Variants in ZNF718 observed in about 807,000 individuals in gnomAD.
ZNF718 encodes zinc finger protein 718.
A neutral mutation model predicts 2.6 loss-of-function variants in ZNF718; 3 were observed. That is an observed-to-expected ratio of 1.16 (90% CI 0.53 to 3.01). ZNF718 has a LOEUF of 3.01. ZNF718 is among the 30% of genes most tolerant of loss of function. ZNF718 has a pLI of 0.03. For synonymous variants in ZNF718, 135 were observed against 77.9 expected (o/e 1.73, Z -3.86); for missense variants, 468 against 230.0 (o/e 2.03, Z -6.69).
chr4:153,465 T>C (rs1716426176), intron 3 of ZNF718, among the ~76,000 whole-genome samples: 1 of 152,188 alleles, frequency 6.6e-6, no homozygotes, highest in Non-Finnish European at 1.5e-5. Context: ...TCATTGATAT[T>C]ATGATAGAGA....
At chr4:166,528 T>A (rs1366807220), downstream of ZNF718, among the ~76,000 whole-genome samples, 8 of 152,232 alleles carry the variant, frequency 5.3e-5, no homozygotes, top group African/African-American at 7.2e-5. Flanking sequence ...TCTGACTTTT[T>A]AATGATCGCC....
At chr4:151,369 G>A (rs892523968) in intron 3 of ZNF718, among the ~76,000 whole-genome samples, 5 of 152,146 alleles carry the variant, frequency 3.3e-5, no homozygotes, top group Admixed American at 3.3e-4. Context: ...GCCTCCCAAA[G>A]TGCTAGGATT....
At chr4:125,893 C>T (rs559351212) in intron 1 of ZNF718, among the ~76,000 whole-genome samples, 7 of 152,352 alleles carry the variant, frequency 4.6e-5, no homozygotes, top group African/African-American at 1.7e-4. Flanking sequence ...GCCCAGAAGA[C>T]TCCTGGCTCA....
At chr4:136,418 C>G in intron 3 of ZNF718, 1 of 520,918 alleles carries the variant, frequency 1.9e-6, no homozygotes, top group Admixed American at 1.9e-5. Flanking sequence ...ATAGGAAGGA[C>G]CACTTGTGTA....
intron 3 of ZNF718, among the ~76,000 whole-genome samples, chr4:142,855 A>G (rs782276224): frequency 6.6e-6 from 1 of 152,180 alleles, no homozygotes; most frequent in Admixed American, 6.5e-5. Flanking sequence ...TCTTTGATCT[A>G]TTTAATTTTA....
chr4:157,276 C>G (rs1716617497), intron 3 of ZNF718, among the ~76,000 whole-genome samples: 1 of 151,858 alleles, frequency 6.6e-6, no homozygotes, highest in Non-Finnish European at 1.5e-5. Flanking sequence ...CCATGCCCAG[C>G]TAATTTTGTA....
rs182024060 is a variant in ZNF718 at position 187,250 on chromosome 4, G to A, written c.227-13831G>A. Among the ~76,000 whole-genome samples the A allele has an allele frequency of 2.4e-3, 370 of 151,744 alleles. 1 individual carries two copies. The highest frequency in any genetic ancestry group is 8.5e-3 in the African/African-American group (353 of 41,332). ...TTTTGTTTTTGTTTTTTGTTGAGAC[G>A]GAGTCTCGCTCTGTAGCCCAAGCTG... On this transcript the variant is annotated intron_variant and NMD_transcript_variant, in intron 3 of 4. Coordinates refer to the ZNF718 transcript ENST00000642529.
chr4:170,100 C>G (rs1417247635), intron 3 of ZNF718, among the ~76,000 whole-genome samples: 1 of 152,112 alleles, frequency 6.6e-6, no homozygotes, highest in African/African-American at 2.4e-5. Context: ...TTCTCCTTCA[C>G]TTATGAAGCT....
Position 180,470 on chromosome 4 carries a change from G to A in ZNF718, c.227-20611G>A, listed in dbSNP as rs188633254. On this transcript the variant is annotated intron_variant and NMD_transcript_variant, in intron 3 of 4. Coordinates refer to the ZNF718 transcript ENST00000642529. ...GGATCTCAGTATAAGAAAAACTCTC[G>A]GTCGGGTTCAGTGACAATCACAAGC... Among the ~76,000 whole-genome samples, 26 of 152,278 alleles carry A rather than the reference G, an allele frequency of 1.7e-4. 1 individual carries two copies. The East Asian group carries it at 3.1e-3, about 18-fold the overall frequency.
intron 3 of ZNF718, among the ~76,000 whole-genome samples, chr4:143,942 G>A (rs1715929431): frequency 6.6e-6 from 1 of 152,126 alleles, no homozygotes; most frequent in Admixed American, 6.5e-5. Context: ...GGATTTATGG[G>A]GATCACATCT....
At chr4:160,149 A>G (rs1716759513) in intron 3 of ZNF718, among the ~76,000 whole-genome samples, 1 of 152,202 alleles carries the variant, frequency 6.6e-6, no homozygotes, top group Non-Finnish European at 1.5e-5. Context: ...AGCACCCTGT[A>G]TTATTGGAGA....
intron 3 of ZNF718, among the ~76,000 whole-genome samples, chr4:169,679 C>G (rs1553817598): frequency 6.6e-6 from 1 of 152,144 alleles, no homozygotes; most frequent in Non-Finnish European, 1.5e-5. Context: ...TCAACCCCTG[C>G]CTTTTTTTGT....
At chr4:133,177 T>TAAAAAAAAA (rs1189716766) in intron 3 of ZNF718, among the ~76,000 whole-genome samples, 5 of 12,530 alleles carry the variant, frequency 4.0e-4, no homozygotes, top group South Asian at 3.3e-3. Flanking sequence ...GACTCCATCT[T>TAAAAAAAAA]AAAAAAAAAA....
In ZNF718 at chr4:128,730, C is replaced by T. The variant is rs1459910721; in HGVS notation, c.4-2058C>T. Among the ~76,000 whole-genome samples the T allele has an allele frequency of 2.9e-5, 3 of 103,072 alleles. 1 individual carries two copies. Among genetic ancestry groups the T allele is most frequent in the Non-Finnish European group, 6.5e-5 (3 of 46,388 alleles). The allele number at this position is 103,072 out of a possible 152,430, so 67.6% of individuals were successfully genotyped here. ...CAGTCTGACAAGGTCTAATTCTGCT[C>T]CCATTTCAGAGGAAGATAAGTGACT... On this transcript the variant is annotated intron_variant, in intron 1 of 3. Coordinates refer to ENST00000510175, the MANE Select transcript of ZNF718 (RefSeq NM_001039127.6).
In ZNF718 at chr4:196,690, C is replaced by G. The variant is rs564547944; in HGVS notation, c.227-4391C>G. On this transcript the variant is annotated intron_variant and NMD_transcript_variant, in intron 3 of 4. Coordinates refer to the ZNF718 transcript ENST00000642529. ...TGACAGCTTTCTGCCACTAGTCAGC[C>G]CTCAGCTTCCCCAGGAAAATTGTGA... Among the ~76,000 whole-genome samples, 5 of 152,096 alleles carry G rather than the reference C, an allele frequency of 3.3e-5. No homozygotes were observed. In the South Asian group the frequency reaches 8.3e-4, roughly 25 times the overall value.
At position 189,676 on chromosome 4, in the gene ZNF718, A is replaced by G. The variant is rs572135159; in HGVS notation, c.227-11405A>G. On this transcript the variant is annotated intron_variant and NMD_transcript_variant, in intron 3 of 4. Transcript: ENST00000642529. ...GTACAGTGTTAAACAGAGTGGAAGA[A>G]ATGTACATTCTTGTTCCATTTTTTG... 3.3e-5 allele frequency among the ~76,000 whole-genome samples: 5 copies of G among 152,340 alleles called. No individual in the cohort carries two copies. The South Asian group carries it at 1.0e-3, about 32-fold the overall frequency.
chr4:177,794 G>C (rs1242444195), intron 3 of ZNF718, among the ~76,000 whole-genome samples: 6 of 152,106 alleles, frequency 3.9e-5, no homozygotes, highest in African/African-American at 1.2e-4. Context: ...TCAGCAGGAA[G>C]CAGTTACGGA....
intron 3 of ZNF718, chr4:136,374 C>A (rs782424777): frequency 9.6e-6 from 5 of 520,296 alleles, no homozygotes; most frequent in Non-Finnish European, 1.9e-5. Context: ...GCCTCCAGGT[C>A]CATGGCTGGG....
At chr4:134,128 T>G (rs1387606073) in intron 3 of ZNF718, among the ~76,000 whole-genome samples, 1 of 152,124 alleles carries the variant, frequency 6.6e-6, no homozygotes. Flanking sequence ...TCAATCAATG[T>G]TAAAGTTTTT....
Sources: allele counts gnomAD v4.1 joint callset (sites outside exome capture counted in the v4.1 genomes callset), GRCh38; gene constraint gnomAD v4.1.1; transcripts MANE v1.5; gene names NCBI Gene and HGNC (gene_info 2026-07-23, HGNC 2026-07-21).